Variants in CELSR1 observed in about 807,000 individuals in gnomAD.
The protein encoded by CELSR1 is adhesion G protein-coupled receptor C1.
Under a neutral mutation model 249.1 loss-of-function variants are expected in CELSR1, and 110 were observed. That is an observed-to-expected ratio of 0.44 (90% CI 0.38 to 0.52). The LOEUF (loss-of-function observed/expected upper bound fraction) is 0.52. Ranked by LOEUF, CELSR1 falls within the 20% of genes least tolerant of loss-of-function variation. The probability of loss-of-function intolerance (pLI) is 0.00; values close to 1 mark genes in which losing one functional copy is unlikely to be tolerated. For synonymous variants in CELSR1, 2,113 were observed against 1,900.0 expected (o/e 1.11, Z -2.92); for missense variants, 4,109 against 4,296.4 (o/e 0.96, Z 1.22).
At position 46,382,041 on chromosome 22, in the gene CELSR1, A is replaced by T; in HGVS notation, c.6893T>A (p.Leu2298Gln). 7 of 1,538,560 alleles carry T rather than the reference A, an allele frequency of 4.5e-6. No individual in the cohort carries two copies. Among genetic ancestry groups the T allele is most frequent in the Non-Finnish European group, 6.1e-6 (7 of 1,141,384 alleles). ...GGTCCTCCGGCCAGCCGGCCTCAGCAGGGGGCCTTCTGCAATGTGAGCAGA... is the reference window on the plus strand; with the variant it reads ...GGTCCTCCGGCCAGCCGGCCTCAGCTGGGGGCCTTCTGCAATGTGAGCAGA... ...FRPPEEKEGP[L>Q]LRPAGRRTTP... Residue 2298 changes from leucine (L) to glutamine (Q), a missense_variant, in exon 21 of 35, where the codon CTG becomes CAG. Around this residue, in one of 7 missense-constraint regions of CELSR1, gnomAD observed 1,805 missense variants for 1,831.6 expected, o/e 0.99. Transcript: ENST00000674500.
rs781438756 is a variant in CELSR1, at chr22:46,411,059, C to A, written c.4770-498G>T. ...ACTAAAAATACAAAAATTAGCTGGG[C>A]GTGGTGGTGCATGCCTGTAGTCCCA... is the stretch of plus-strand genomic sequence containing the variant. On this transcript the variant is annotated intron_variant, in intron 6 of 34. Coordinates refer to ENST00000674500, the MANE Select transcript of CELSR1 (RefSeq NM_001378328.1). This position sits in a 1 kb window ranked among gnomAD's most constrained non-coding sequence, Gnocchi z 4.2. Among the ~76,000 whole-genome samples the A allele has an allele frequency of 6.6e-6, 1 of 152,010 alleles. No homozygotes were observed. The highest frequency in any genetic ancestry group is 1.5e-5 in the Non-Finnish European group (1 of 67,986).
In CELSR1 at chr22:46,427,226, G is replaced by A. The variant is rs1602120612; in HGVS notation, c.4611+6167C>T. ...AGCACCCAGATCTGGATTTCTAAAT[G>A]CCACCCTCCACTAAAAGAACCAGGC... is the stretch of plus-strand genomic sequence containing the variant. On this transcript the variant is annotated intron_variant, in intron 5 of 34. Transcript: ENST00000674500. The surrounding 1 kb of genome is among the most constrained non-coding windows in gnomAD (Gnocchi z 4.2). Among the ~76,000 whole-genome samples, 1 of 152,266 alleles carries A rather than the reference G, an allele frequency of 6.6e-6. No homozygotes were observed. The highest frequency in any genetic ancestry group is 2.4e-5 in the African/African-American group (1 of 41,564).
chr22:46,389,662 T>A (rs2079068385), intron 17 of CELSR1, among the ~76,000 whole-genome samples, 163 bp from the exon 18 acceptor site: 1 of 152,252 alleles, frequency 6.6e-6, no homozygotes, highest in African/African-American at 2.4e-5. Flanking sequence ...ACGCCTGTAA[T>A]CCCAGCACTT....
At chr22:46,460,211 A>ACACACCCCCC (rs1555922666) in intron 2 of CELSR1, among the ~76,000 whole-genome samples, 2 of 148,976 alleles carry the variant, frequency 1.3e-5, no homozygotes, top group African/African-American at 5.0e-5. Flanking sequence ...ACACACACAC[A>ACACACCCCCC]CACACCCATT....
Position 46,517,118 on chromosome 22 carries a change from CCT to C in CELSR1, c.3544+16507_3544+16508del, listed in dbSNP as rs1446110088. 2.0e-5 allele frequency among the ~76,000 whole-genome samples: 3 copies of C among 152,208 alleles called. No individual in the cohort carries two copies. Among genetic ancestry groups the C allele is most frequent in the Non-Finnish European group, 4.4e-5 (3 of 68,036 alleles). ...GGTTCTCACCCCAATGGATCATTCC[CCT>C]GAGGTATACAAACCACCTCCCCATC... On this transcript the variant is annotated intron_variant, in intron 1 of 34. Transcript: ENST00000674500. This position sits in a 1 kb window ranked among gnomAD's most constrained non-coding sequence, Gnocchi z 5.4.
rs547007269 is a variant in CELSR1, at chr22:46,391,629, G to A, written c.6148+4C>T. 3.7e-5 allele frequency: 59 copies of A among 1,592,202 alleles called. No individual in the cohort carries two copies. In the Admixed American group the frequency reaches 4.2e-4, roughly 11 times the overall value. On this transcript the variant is annotated splice_donor_region_variant and intron_variant, in intron 15 of 34. Transcript: ENST00000674500. This position sits in a 1 kb window ranked among gnomAD's most constrained non-coding sequence, Gnocchi z 4.3. The stretch of plus-strand genomic sequence containing the variant: ...CCTGCAGGGTGTCGAGGGGCAACGC[G>A]GACCTTCACAGCCGAGCGTGGTGAC...
Position 46,408,955 on chromosome 22 carries a change from C to A in CELSR1, c.5226+41G>T. On this transcript the variant is annotated intron_variant, in intron 9 of 34. Transcript: ENST00000674500. The surrounding 1 kb of genome is among the most constrained non-coding windows in gnomAD (Gnocchi z 4.6). ...AGCGCCTGGGTCCCTCCCTCGGGCACCCACCTAGCAGGTGCCTTGGTGGCA... is the reference window on the plus strand; with the variant it reads ...AGCGCCTGGGTCCCTCCCTCGGGCAACCACCTAGCAGGTGCCTTGGTGGCA... The A allele has an allele frequency of 6.5e-7, 1 of 1,537,378 alleles. No individual in the cohort carries two copies. Among genetic ancestry groups the A allele is most frequent in the South Asian group, 1.2e-5 (1 of 80,384 alleles).
chr22:46,470,028 T>C (rs1295449912), intron 1 of CELSR1, among the ~76,000 whole-genome samples: 1 of 44,730 alleles, frequency 2.2e-5, no homozygotes, highest in African/African-American at 9.6e-5. Context: ...AGAAGTATGG[T>C]GTCACTTTAA....
At chr22:46,366,331 C>T (rs1352929120) in intron 30 of CELSR1, 55 bp downstream of exon 30, 5 of 1,271,718 alleles carry the variant, frequency 3.9e-6, no homozygotes, top group Non-Finnish European at 5.2e-6. Flanking sequence ...GTGGCAGGGG[C>T]AAAACCTGAG....
Position 46,533,713 on chromosome 22 carries a change from A to G in CELSR1, c.3458T>C (p.Leu1153Pro). The G allele has an allele frequency of 6.2e-7, 1 of 1,612,724 alleles. No homozygotes were observed. Among genetic ancestry groups the G allele is most frequent in the Non-Finnish European group, 8.5e-7 (1 of 1,179,926 alleles). ...CTGCAGTTCGCCCGTGGCGGGGTCC[A>G]GCAGCAACAGGCGCAGCTCGTTGCC... The part of the protein sequence containing the change: ...VQGNELRLLL[L>P]DPATGELQLS... Residue 1153 changes from leucine to proline, a missense_variant, in exon 1 of 35, where the codon CTG becomes CCG. Leu to Pro is a moderately conservative substitution (Grantham distance 98, BLOSUM62 -3). Coordinates refer to ENST00000674500, the MANE Select transcript of CELSR1 (RefSeq NM_001378328.1).
chr22:46,433,050 G>A lies in CELSR1; in HGVS notation c.4611+343C>T, dbSNP rs1417832300. ...TTTTTCCTTCCTTTTTTTTTTAGATGGAATTTCGCTCTGTTACCCAGGCTG... is the reference window on the plus strand; with the variant it reads ...TTTTTCCTTCCTTTTTTTTTTAGATAGAATTTCGCTCTGTTACCCAGGCTG... On this transcript the variant is annotated intron_variant, in intron 5 of 34. Coordinates refer to ENST00000674500, the MANE Select transcript of CELSR1 (RefSeq NM_001378328.1). The surrounding 1 kb of genome is among the most constrained non-coding windows in gnomAD (Gnocchi z 5.7). 6.6e-6 allele frequency among the ~76,000 whole-genome samples: 1 copy of A among 151,294 alleles called. No individual in the cohort carries two copies.
chr22:46,411,307 G>A lies in CELSR1; in HGVS notation c.4769+295C>T, dbSNP rs990238635. ...AGTCCCAGGTACCAGAATTTGCGGG[G>A]ACAAAGCCAGTGATCCGTGGAGATG... On this transcript the variant is annotated intron_variant, in intron 6 of 34. Transcript: ENST00000674500. The surrounding 1 kb of genome is among the most constrained non-coding windows in gnomAD (Gnocchi z 4.2). Among the ~76,000 whole-genome samples the A allele has an allele frequency of 3.3e-5, 5 of 152,184 alleles. No individual in the cohort carries two copies. Among genetic ancestry groups the A allele is most frequent in the African/African-American group, 9.7e-5 (4 of 41,442 alleles).
chr22:46,491,826 G>C (rs961275227), intron 1 of CELSR1, among the ~76,000 whole-genome samples: 1 of 151,812 alleles, frequency 6.6e-6, no homozygotes, highest in African/African-American at 2.4e-5. Context: ...TAGTAGAGAC[G>C]GGGTTTCACC....
chr22:46,468,032 G>A lies in CELSR1; in HGVS notation c.3545-3687C>T, dbSNP rs149490295. 4.6e-5 allele frequency among the ~76,000 whole-genome samples: 7 copies of A among 152,114 alleles called. No individual in the cohort carries two copies. The South Asian group carries it at 8.3e-4, about 18-fold the overall frequency. On this transcript the variant is annotated intron_variant, in intron 1 of 34. Coordinates refer to ENST00000674500, the MANE Select transcript of CELSR1 (RefSeq NM_001378328.1). This position sits in a 1 kb window ranked among gnomAD's most constrained non-coding sequence, Gnocchi z 4.5. ...CAACCACACCTATGTTCATAGCAGC[G>A]CTATTCACAAGAGCTGAAACATGGA...
rs1602095268 is a variant in CELSR1, at chr22:46,409,770, T to C, written c.5044A>G (p.Lys1682Glu). Residue 1682 changes from lysine (K) to glutamate (E), a missense_variant, in exon 8 of 35, where the codon AAG becomes GAG. Lys to Glu is a moderately conservative substitution (Grantham distance 56). This residue lies in a region of CELSR1 where 453 missense variants were observed against 492.0 expected (regional missense o/e 0.92). Coordinates refer to ENST00000674500, the MANE Select transcript of CELSR1 (RefSeq NM_001378328.1). This position sits in a 1 kb window ranked among gnomAD's most constrained non-coding sequence, Gnocchi z 9.8. ...GGCCACTCACCTTGCTCACAGTTCTTCCCGCCGAATCGGAGTGGACACTCA... is the reference window on the plus strand; with the variant it reads ...GGCCACTCACCTTGCTCACAGTTCTCCCCGCCGAATCGGAGTGGACACTCA... ...LCECPLRFGG[K>E]NCEQAMPHPQ... is the part of the protein sequence containing the mutation. 1 of 1,613,396 alleles carries C rather than the reference T, an allele frequency of 6.2e-7. No individual in the cohort carries two copies. Among genetic ancestry groups the C allele is most frequent in the South Asian group, 1.1e-5 (1 of 91,066 alleles).
In CELSR1 at chr22:46,366,409, G is replaced by A. The variant is rs779531463; in HGVS notation, c.8277C>T (p.Thr2759=). Residue 2759 remains threonine (T), a synonymous_variant, in exon 30 of 35, where the codon ACC becomes ACT. Transcript: ENST00000674500. The stretch of plus-strand genomic sequence containing the variant: ...ACCTGACGATGCTGTCCAGCGAGGC[G>A]GTGGACTCGCCCAAGTCTGTGCGCA... ...DMLRTDLGES[T]ASLDSIVRDE... 1.4e-5 allele frequency: 21 copies of A among 1,549,654 alleles called. No individual in the cohort carries two copies. Among genetic ancestry groups the A allele is most frequent in the African/African-American group, 1.2e-4 (9 of 72,876 alleles).
In CELSR1 at chr22:46,363,312, C is replaced by G. The variant is rs890383275; in HGVS notation, c.9036-65G>C. 1.4e-6 allele frequency: 2 copies of G among 1,419,062 alleles called. No individual in the cohort carries two copies. Among genetic ancestry groups the G allele is most frequent in the African/African-American group, 1.4e-5 (1 of 70,944 alleles). The allele number at this position is 1,419,062 out of a possible 1,614,324, so 87.9% of individuals were successfully genotyped here. On this transcript the variant is annotated intron_variant, in intron 34 of 34. Coordinates refer to ENST00000674500, the MANE Select transcript of CELSR1 (RefSeq NM_001378328.1). The surrounding 1 kb of genome is among the most constrained non-coding windows in gnomAD (Gnocchi z 4.3). ...GTGAGGGTAGCGGCTTGGTGGGGCCCAAGGTTGTCACACGGGGGGGCAGGA... is the reference window on the plus strand; with the variant it reads ...GTGAGGGTAGCGGCTTGGTGGGGCCGAAGGTTGTCACACGGGGGGGCAGGA...
chr22:46,514,642 CTG>C (rs1221125722), intron 1 of CELSR1, among the ~76,000 whole-genome samples: 1 of 152,204 alleles, frequency 6.6e-6, no homozygotes, highest in Non-Finnish European at 1.5e-5. Flanking sequence ...TCCCCAGACT[CTG>C]TGGTCCCTCC....
intron 1 of CELSR1, chr22:46,481,242 C>CA (rs112875441): frequency 0.62 from 174,570 of 283,704 alleles, 43,584 homozygotes; most frequent in African/African-American, 0.72. Context: ...GACCATGTCT[C>CA]AAAAAAAAAA....
Sources: gnomAD v4.1 joint callset for allele counts (sites outside exome capture counted in the v4.1 genomes callset) on GRCh38, gnomAD v4.1.1 for gene constraint, gnomAD v4.1.1 regional missense constraint, Gnocchi (gnomAD v3.1) non-coding constraint, MANE v1.5 for transcripts, NCBI Gene and HGNC (gene_info 2026-07-23, HGNC 2026-07-21) for gene names.